Variants in ARHGEF12 observed in about 807,000 individuals in gnomAD.
ARHGEF12 encodes the protein Rho guanine nucleotide exchange factor 12, also known as KMT2A/ARHGEF12 fusion protein.
Under a neutral mutation model 211.2 loss-of-function variants are expected in ARHGEF12, and 66 were observed. The observed-to-expected ratio is 0.31, with a 90% CI of 0.26 to 0.38. The LOEUF (loss-of-function observed/expected upper bound fraction) is 0.38. Ranked by LOEUF, ARHGEF12 falls within the 10% of genes least tolerant of loss-of-function variation. The pLI is 1.00. For missense variants in ARHGEF12, 1,429 were observed against 1,869.5 expected (o/e 0.76, Z 4.34); for synonymous variants, 592 against 638.4 (o/e 0.93, Z 1.09).
intron 26 of ARHGEF12, among the ~76,000 whole-genome samples, chr11:120,459,914 G>T (rs897360368): frequency 1.3e-5 from 2 of 152,140 alleles, no homozygotes; most frequent in Admixed American, 6.6e-5. Context: ...CACCATGTTG[G>T]CCAGGCTGGT....
chr11:120,460,877 C>A, intron 27 of ARHGEF12, 120 bp downstream of exon 27: 2 of 849,708 alleles, frequency 2.4e-6, no homozygotes, highest in Non-Finnish European at 3.8e-6. Context: ...TAATGCAAAG[C>A]TGAGAAAGGT....
chr11:120,400,258 A>C (rs2135543691), intron 1 of ARHGEF12, among the ~76,000 whole-genome samples: 1 of 152,290 alleles, frequency 6.6e-6, no homozygotes, highest in South Asian at 2.1e-4. Flanking sequence ...AAGTAGAGAA[A>C]TGTGAAATGA....
intron 18 of ARHGEF12, among the ~76,000 whole-genome samples, chr11:120,447,498 T>G (rs977759658): frequency 6.6e-6 from 1 of 152,184 alleles, no homozygotes; most frequent in Non-Finnish European, 1.5e-5. Flanking sequence ...TTGGCTCTGT[T>G]CTGTTATTTC....
At chr11:120,372,346 T>G (rs1323312418) in intron 1 of ARHGEF12, among the ~76,000 whole-genome samples, 1 of 152,246 alleles carries the variant, frequency 6.6e-6, no homozygotes, top group East Asian at 1.9e-4. Flanking sequence ...ACCAAAATAT[T>G]TATATGTTCT....
At chr11:120,382,097 A>G (rs2135456008) in intron 1 of ARHGEF12, among the ~76,000 whole-genome samples, 1 of 152,302 alleles carries the variant, frequency 6.6e-6, no homozygotes, top group South Asian at 2.1e-4. Flanking sequence ...ATTAAAGGCC[A>G]TTGTAGTTAC....
intron 1 of ARHGEF12, among the ~76,000 whole-genome samples, chr11:120,350,734 T>G (rs1364000819): frequency 6.6e-6 from 1 of 152,212 alleles, no homozygotes; most frequent in Non-Finnish European, 1.5e-5. Flanking sequence ...AGTTGGAATC[T>G]AAGAAGTTTT....
At chr11:120,485,009 G>A (rs1220214820) in intron 40 of ARHGEF12, 58 bp from the exon 41 acceptor site, 9 of 1,560,002 alleles carry the variant, frequency 5.8e-6, no homozygotes, top group Non-Finnish European at 7.0e-6. Context: ...GGTATTCTTT[G>A]CAATGTTAGT....
intron 1 of ARHGEF12, among the ~76,000 whole-genome samples, chr11:120,401,819 A>G (rs1363307535): frequency 6.6e-6 from 1 of 152,214 alleles, no homozygotes; most frequent in African/African-American, 2.4e-5. Flanking sequence ...TGGTTTCATC[A>G]CTGGCTTTGA....
At chr11:120,483,825 T>A (rs947536769) in intron 39 of ARHGEF12, among the ~76,000 whole-genome samples, 2 of 152,164 alleles carry the variant, frequency 1.3e-5, no homozygotes, top group East Asian at 1.9e-4. Flanking sequence ...CATGTTAGCC[T>A]GGATGGTCTC....
chr11:120,421,434 TTTTTTTTG>T lies in ARHGEF12; in HGVS notation c.299-361_299-354del, dbSNP rs1289068817. 2.8e-3 allele frequency among the ~76,000 whole-genome samples: 283 copies of T among 100,974 alleles called. 3 individuals are homozygous for T. Among genetic ancestry groups the T allele is most frequent in the African/African-American group, 8.8e-3 (255 of 29,132 alleles). 66.2% of individuals were successfully genotyped at this position (100,974 alleles called of 152,430 possible). A position where few individuals can be genotyped will look rare whatever the true frequency, so the allele number is the denominator to read the frequency against. On this transcript the variant is annotated intron_variant, in intron 5 of 40. Transcript: ENST00000397843. ...AAGTCTGACTTTACAGCCTTGTTTTTTTTTTTTGTTTTTTTTTTTTTGGAGATGGAGTC... is the reference window on the plus strand; with the variant it reads ...AAGTCTGACTTTACAGCCTTGTTTTTTTTTTTTTTTTTTGGAGATGGAGTC...
At position 120,337,414 on chromosome 11, in the gene ARHGEF12, C is replaced by T. The variant is rs978622419; in HGVS notation, c.32+139C>T. ...GGTTGTTTCGGAGCTGTGCAGTTAG[C>T]CTGGGGTTGCTGCCGAGTTATCCAG... On this transcript the variant is annotated intron_variant, in intron 1 of 40. Coordinates refer to ENST00000397843, the MANE Select transcript of ARHGEF12 (RefSeq NM_015313.3). The T allele has an allele frequency of 1.5e-5, 23 of 1,493,296 alleles. No homozygotes were observed. The African/African-American group carries it at 3.1e-4, about 20-fold the overall frequency. 92.5% of individuals were successfully genotyped at this position (1,493,296 alleles called of 1,614,324 possible). A position where few individuals can be genotyped will look rare whatever the true frequency, so the allele number is the denominator to read the frequency against.
At chr11:120,462,467 G>C (rs1946562692) in intron 27 of ARHGEF12, 1 of 152,162 alleles carries the variant, frequency 6.6e-6, no homozygotes, top group African/African-American at 2.4e-5. Flanking sequence ...CCAAAATGTG[G>C]CACAGAGACA....
intron 1 of ARHGEF12, among the ~76,000 whole-genome samples, chr11:120,359,107 T>C (rs1943209894): frequency 6.6e-6 from 1 of 152,136 alleles, no homozygotes; most frequent in Admixed American, 6.5e-5. Context: ...ATTATAACTT[T>C]TGTGAGCTGA....
At chr11:120,483,477 G>A (rs1369670851) in intron 39 of ARHGEF12, among the ~76,000 whole-genome samples, 3 of 150,992 alleles carry the variant, frequency 2.0e-5, no homozygotes, top group Non-Finnish European at 2.9e-5. Context: ...AGGCTGGAGT[G>A]CAATGGTGCA....
At chr11:120,451,418 T>C (rs1591609638) in intron 21 of ARHGEF12, 94 bp from the exon 22 acceptor site, 1 of 1,124,504 alleles carries the variant, frequency 8.9e-7, no homozygotes, top group Non-Finnish European at 1.3e-6. Context: ...ACCTCATGAT[T>C]CGCCCACCTT....
intron 1 of ARHGEF12, among the ~76,000 whole-genome samples, chr11:120,374,571 A>G (rs1943673704): frequency 6.6e-6 from 1 of 152,198 alleles, no homozygotes; most frequent in African/African-American, 2.4e-5. Context: ...CCTCTGGGGT[A>G]GATGGCCTTA....
At chr11:120,374,722 A>G (rs1476415277) in intron 1 of ARHGEF12, among the ~76,000 whole-genome samples, 3 of 152,238 alleles carry the variant, frequency 2.0e-5, no homozygotes, top group African/African-American at 7.2e-5. Flanking sequence ...CATAGAAAAA[A>G]AATAAATATT....
At chr11:120,430,488 A>G (rs1222466998) in intron 10 of ARHGEF12, among the ~76,000 whole-genome samples, 2 of 152,198 alleles carry the variant, frequency 1.3e-5, no homozygotes, top group Admixed American at 1.3e-4. Flanking sequence ...GTTATAAGCT[A>G]TAGAGATAAT....
At chr11:120,444,301 A>T (rs1173840752) in intron 15 of ARHGEF12, among the ~76,000 whole-genome samples, 1 of 152,128 alleles carries the variant, frequency 6.6e-6, no homozygotes, top group Non-Finnish European at 1.5e-5. Flanking sequence ...CTAAGTCAAA[A>T]CTTTACATTT....
Sources: gnomAD v4.1 joint callset for allele counts (sites outside exome capture counted in the v4.1 genomes callset) on GRCh38, gnomAD v4.1.1 for gene constraint, MANE v1.5 for transcripts, NCBI Gene and HGNC (gene_info 2026-07-23, HGNC 2026-07-21) for gene names.